The following ELMO1 variants were observed in gnomAD, a reference collection of about 807,000 sequenced individuals.
ELMO1 encodes the protein engulfment and cell motility 1.
In ELMO1, 26 loss-of-function variants were observed where a neutral mutation model predicts 98.9. That is an observed-to-expected ratio of 0.26 (90% CI 0.19 to 0.36). The LOEUF (loss-of-function observed/expected upper bound fraction) is 0.36, where lower values mean the gene tolerates loss of function less well. Ranked by LOEUF, ELMO1 falls within the 10% of genes least tolerant of loss-of-function variation. The probability of loss-of-function intolerance (pLI) is 1.00; values close to 1 mark genes in which losing one functional copy is unlikely to be tolerated. For missense variants in ELMO1, 627 were observed against 935.2 expected, an observed-to-expected ratio of 0.67 and a Z score of 4.30; for synonymous variants, 346 against 346.0, an observed-to-expected ratio of 1.00 and a Z score of 0.00.
chr7:37,399,098 C>G lies in ELMO1; in HGVS notation c.-74+49577G>C, dbSNP rs1803416236. ...GAGTCTCTGCCTTCCCATCCAGGAG[C>G]CACCTGGATCCAGAGGTACAGGGGT... On this transcript the variant is annotated intron_variant, in intron 1 of 21. Transcript: ENST00000310758. Among the ~76,000 whole-genome samples, 3 of 152,156 alleles carry G rather than the reference C, an allele frequency of 2.0e-5. No individual in the cohort carries two copies. In the South Asian group the frequency reaches 6.2e-4, roughly 32 times the overall value.
At chr7:37,113,282 G>A (rs1435268531) in intron 14 of ELMO1, among the ~76,000 whole-genome samples, 1 of 152,220 alleles carries the variant, frequency 6.6e-6, no homozygotes, top group Non-Finnish European at 1.5e-5. Flanking sequence ...TGTCTTCTGT[G>A]TGCCTGGCAC....
intron 14 of ELMO1, among the ~76,000 whole-genome samples, chr7:37,120,966 C>T (rs1458009108): frequency 6.6e-6 from 1 of 152,184 alleles, no homozygotes; most frequent in Non-Finnish European, 1.5e-5. Context: ...CTGCTGTTTA[C>T]CAATATTCGC....
intron 13 of ELMO1, among the ~76,000 whole-genome samples, chr7:37,198,045 C>T (rs1792072396): frequency 6.6e-6 from 1 of 152,206 alleles, no homozygotes. Context: ...TGAAAATCTG[C>T]ACAAGAGCAG....
At chr7:37,139,649 G>A (rs1390909193) in intron 13 of ELMO1, among the ~76,000 whole-genome samples, 1 of 152,128 alleles carries the variant, frequency 6.6e-6, no homozygotes, top group Non-Finnish European at 1.5e-5. Context: ...GTCAAAAGCA[G>A]TTTACAAATT....
chr7:37,267,219 C>A (rs2130832905), intron 5 of ELMO1, among the ~76,000 whole-genome samples: 1 of 152,262 alleles, frequency 6.6e-6, no homozygotes, highest in South Asian at 2.1e-4. Flanking sequence ...ACATACATAA[C>A]AGGCATCCCT....
In ELMO1 at chr7:37,155,503, A is replaced by T. The variant is rs202021679; in HGVS notation, c.1087-22269T>A. On this transcript the variant is annotated intron_variant, in intron 13 of 21. Coordinates refer to ENST00000310758, the MANE Select transcript of ELMO1 (RefSeq NM_014800.11). ...AACGGAAAGCAAAAAAAAAAAAAAA[A>T]AAAAAGCAGGTGTTGCAATCCTGGT... Among the ~76,000 whole-genome samples, 53 of 131,750 alleles carry T rather than the reference A, an allele frequency of 4.0e-4. 1 individual carries two copies. Among genetic ancestry groups the T allele is most frequent in the South Asian group, 1.7e-3 (7 of 4,114 alleles). 86.4% of individuals were successfully genotyped at this position (131,750 alleles called of 152,430 possible). A position where few individuals can be genotyped will look rare whatever the true frequency, so the allele number is the denominator to read the frequency against.
chr7:37,235,937 A>T (rs192198058), intron 7 of ELMO1, among the ~76,000 whole-genome samples: 109 of 152,332 alleles, frequency 7.2e-4, no homozygotes, highest in Non-Finnish European at 2.9e-4. Context: ...TAAAACAAAT[A>T]AACCAATAAA....
intron 13 of ELMO1, among the ~76,000 whole-genome samples, chr7:37,168,422 A>G (rs1789887554): frequency 6.6e-6 from 1 of 152,114 alleles, no homozygotes; most frequent in Non-Finnish European, 1.5e-5. Flanking sequence ...TCTGCTTTTT[A>G]GAGTTTCCAG....
At chr7:37,202,402 G>T (rs1165988105) in intron 13 of ELMO1, among the ~76,000 whole-genome samples, 2 of 152,136 alleles carry the variant, frequency 1.3e-5, no homozygotes, top group African/African-American at 4.8e-5. Flanking sequence ...TACTAATGCT[G>T]TCCTTGTACT....
At chr7:37,260,542 C>T (rs982963589) in intron 5 of ELMO1, among the ~76,000 whole-genome samples, 7 of 152,146 alleles carry the variant, frequency 4.6e-5, no homozygotes, top group Admixed American at 4.6e-4. Flanking sequence ...CCAGCAGGTC[C>T]ACAGCCACAG....
At chr7:37,104,113 C>A (rs1262126935) in intron 14 of ELMO1, among the ~76,000 whole-genome samples, 3 of 145,116 alleles carry the variant, frequency 2.1e-5, no homozygotes, top group Non-Finnish European at 4.5e-5. Context: ...TAATGCTGGA[C>A]AACTTCCAGT....
At chr7:37,236,639 T>C (rs1454411016) in intron 7 of ELMO1, among the ~76,000 whole-genome samples, 2 of 152,198 alleles carry the variant, frequency 1.3e-5, no homozygotes, top group African/African-American at 4.8e-5. Flanking sequence ...GTATATAACA[T>C]ATTCATTAGG....
At chr7:37,015,416 C>T (rs1167107080) in intron 15 of ELMO1, among the ~76,000 whole-genome samples, 1 of 152,102 alleles carries the variant, frequency 6.6e-6, no homozygotes, top group Non-Finnish European at 1.5e-5. Flanking sequence ...GCCTGGCCAA[C>T]ATGCTGAAAT....
At chr7:37,412,770 T>A (rs34727402) in intron 1 of ELMO1, among the ~76,000 whole-genome samples, 10,314 of 152,188 alleles carry the variant, frequency 0.068, 583 homozygotes, top group East Asian at 0.15. Context: ...TGCCACATGA[T>A]TGTCTCTCCC....
At chr7:37,173,269 AG>A (rs1790291601) in intron 13 of ELMO1, among the ~76,000 whole-genome samples, 1 of 152,180 alleles carries the variant, frequency 6.6e-6, no homozygotes, top group African/African-American at 2.4e-5. Context: ...ACCAGCACCT[AG>A]GACTGCAGGC....
chr7:37,001,575 G>A (rs1792673063), intron 16 of ELMO1, among the ~76,000 whole-genome samples: 1 of 152,206 alleles, frequency 6.6e-6, no homozygotes, highest in Non-Finnish European at 1.5e-5. Flanking sequence ...ATTCCATGCT[G>A]TGGGAGTAGA....
At chr7:37,165,213 T>C (rs1242749066) in intron 13 of ELMO1, among the ~76,000 whole-genome samples, 2 of 152,240 alleles carry the variant, frequency 1.3e-5, no homozygotes, top group Non-Finnish European at 2.9e-5. Context: ...CTGAAGTTGC[T>C]TATCAGCTTA....
intron 10 of ELMO1, chr7:37,217,628 A>G: frequency 2.2e-6 from 1 of 446,676 alleles, no homozygotes; most frequent in South Asian, 1.6e-5. Flanking sequence ...ATTTCTGAGG[A>G]GGGCATACAA....
chr7:37,308,584 A>G (rs1798733814), intron 4 of ELMO1, among the ~76,000 whole-genome samples: 1 of 152,210 alleles, frequency 6.6e-6, no homozygotes, highest in South Asian at 2.1e-4. Flanking sequence ...GTAACTGGTT[A>G]ATTTCAGGTA....
Sources: allele counts gnomAD v4.1 joint callset (sites outside exome capture counted in the v4.1 genomes callset), GRCh38; gene constraint gnomAD v4.1.1; transcripts MANE v1.5; gene names NCBI Gene and HGNC (gene_info 2026-07-23, HGNC 2026-07-21).